Variants in MAPK14 observed in about 807,000 individuals in gnomAD.
The protein encoded by MAPK14 is mitogen-activated protein kinase 14.
A neutral mutation model predicts 49.6 loss-of-function variants in MAPK14; 16 were observed. The observed-to-expected ratio is 0.32, with a 90% confidence interval of 0.22 to 0.49. MAPK14 has a LOEUF of 0.49. MAPK14 is among the 20% of genes least tolerant of loss of function. The pLI, the probability that MAPK14 is intolerant of heterozygous loss-of-function variation, is 0.99. For synonymous variants in MAPK14, 142 were observed against 158.0 expected (o/e 0.90, Z 0.76); for missense variants, 200 against 441.2 (o/e 0.45, Z 4.90).
chr6:36,045,239 A>G (rs559721820), intron 1 of MAPK14, among the ~76,000 whole-genome samples: 10 of 152,348 alleles, frequency 6.6e-5, no homozygotes, highest in African/African-American at 2.4e-4. Flanking sequence ...GATGCTCTAA[A>G]AAGAAAACCA....
chr6:36,087,438 G>A (rs1100856), intron 8 of MAPK14, among the ~76,000 whole-genome samples: 134,598 of 152,276 alleles, frequency 0.88, 59,631 homozygotes, highest in East Asian at 1. Context: ...GCAAAGTCTC[G>A]GGATACAAAA....
chr6:36,059,048 C>G (rs1280911422), intron 2 of MAPK14, among the ~76,000 whole-genome samples: 1 of 152,086 alleles, frequency 6.6e-6, no homozygotes, highest in Non-Finnish European at 1.5e-5. Flanking sequence ...CGCCACCACA[C>G]CTGGCTAATG....
chr6:36,090,259 A>C (rs1765165833), intron 8 of MAPK14, among the ~76,000 whole-genome samples: 1 of 152,116 alleles, frequency 6.6e-6, no homozygotes, highest in South Asian at 2.1e-4. Context: ...CTGGCAATAG[A>C]GCTAAAGCTT....
chr6:36,032,984 A>ATTTT (rs5875529), intron 1 of MAPK14, among the ~76,000 whole-genome samples: 1 of 147,360 alleles, frequency 6.8e-6, no homozygotes, highest in East Asian at 2.0e-4. Flanking sequence ...TTTTAAATCT[A>ATTTT]TTTTTTTTTT....
At chr6:36,062,410 T>C (rs1763857910) in intron 3 of MAPK14, among the ~76,000 whole-genome samples, 1 of 152,170 alleles carries the variant, frequency 6.6e-6, no homozygotes, top group East Asian at 1.9e-4. Flanking sequence ...TGTTACACAA[T>C]TGGGAGTGGT....
At position 36,090,385 on chromosome 6, in the gene MAPK14, G is replaced by A. The variant is rs935220503; in HGVS notation, c.683-5602G>A. Among the ~76,000 whole-genome samples, 37 of 151,758 alleles carry A rather than the reference G, an allele frequency of 2.4e-4. 2 individuals are homozygous for A. The highest frequency in any genetic ancestry group is 2.2e-3 in the Admixed American group (33 of 15,248). ...GTTGCCTAGGCTGGAATGCAGTGGC[G>A]CAATCTCGGCTCACTGCAACCTCCA... On this transcript the variant is annotated intron_variant, in intron 8 of 11. Transcript: ENST00000229794.
chr6:36,032,981 TC>T, intron 1 of MAPK14, among the ~76,000 whole-genome samples: 1 of 86,696 alleles, frequency 1.2e-5, no homozygotes, highest in Non-Finnish European at 2.4e-5. Context: ...CCATTTTAAA[TC>T]TATTTTTTTT....
At chr6:36,117,086 C>A in the MAPK14 span, among the ~76,000 whole-genome samples, 1 of 152,190 alleles carries the variant, frequency 6.6e-6, no homozygotes, top group African/African-American at 2.4e-5. Flanking sequence ...GGGGAGGAGT[C>A]CCTGGCAGCC....
Position 36,064,064 on chromosome 6 carries a change from TTGTGTGTG to T in MAPK14, c.305+4739_305+4746del, listed in dbSNP as rs112138637. Among the ~76,000 whole-genome samples, 161 of 149,622 alleles carry T rather than the reference TTGTGTGTG, an allele frequency of 1.1e-3. 1 individual carries two copies. The highest frequency in any genetic ancestry group is 3.7e-3 in the African/African-American group (149 of 40,580). On this transcript the variant is annotated intron_variant, in intron 3 of 11. Coordinates refer to ENST00000229794, the MANE Select transcript of MAPK14 (RefSeq NM_139012.3). ...GTATTACTATAATATTGCCTTTTCT[TTGTGTGTG>T]TGTGTGTGTGTGTGTGTGTGTTTGT...
chr6:36,099,133 G>A (rs1765547314), intron 9 of MAPK14, among the ~76,000 whole-genome samples: 1 of 152,196 alleles, frequency 6.6e-6, no homozygotes, highest in South Asian at 2.1e-4. Flanking sequence ...ATTTGGGAAA[G>A]CCATGAAGTA....
At chr6:36,102,486 T>C in intron 9 of MAPK14, 85 bp from the exon 10 acceptor site, 1 of 1,013,996 alleles carries the variant, frequency 9.9e-7, no homozygotes, top group African/African-American at 1.6e-5. Flanking sequence ...CAGTTAACAC[T>C]CGTTCCTTAG....
At chr6:36,119,757 G>A in the MAPK14 span, among the ~76,000 whole-genome samples, 1 of 152,010 alleles carries the variant, frequency 6.6e-6, no homozygotes, top group Non-Finnish European at 1.5e-5. Context: ...ATTTTGCGAC[G>A]CACAGGACGG....
chr6:36,052,174 G>T (rs1376455555), intron 1 of MAPK14, among the ~76,000 whole-genome samples: 1 of 152,016 alleles, frequency 6.6e-6, no homozygotes, highest in East Asian at 1.9e-4. Flanking sequence ...GCAATTTATT[G>T]TCCTGAAAAC....
rs200441147 is a variant in MAPK14, at chr6:36,108,584, G to A, written c.*137G>A. ...TGGAAGGGGGTGTGCGTGCGTGTGC[G>A]TGCGTGTTAGTGTGTGTGCATGTGT... On this transcript the variant is annotated 3_prime_UTR_variant, in exon 12 of 12. Transcript: ENST00000229794. 8.0e-5 allele frequency: 55 copies of A among 689,632 alleles called. No homozygotes were observed. Among genetic ancestry groups the A allele is most frequent in the Admixed American group, 2.9e-4 (14 of 47,672 alleles). 42.7% of individuals were successfully genotyped at this position (689,632 alleles called of 1,614,324 possible).
At chr6:36,044,098 C>T (rs1010970834) in intron 1 of MAPK14, among the ~76,000 whole-genome samples, 2 of 152,084 alleles carry the variant, frequency 1.3e-5, no homozygotes, top group Non-Finnish European at 2.9e-5. Context: ...TCGTGAGCCA[C>T]CGCACCCGGC....
At chr6:36,104,107 C>G (rs1040977882) in intron 10 of MAPK14, among the ~76,000 whole-genome samples, 1 of 152,180 alleles carries the variant, frequency 6.6e-6, no homozygotes, top group African/African-American at 2.4e-5. Context: ...TACTCACGCT[C>G]TTTGAAGTTT....
In MAPK14 at chr6:36,077,128, T is replaced by C. The variant is rs140116497; in HGVS notation, c.682+520T>C. On this transcript the variant is annotated intron_variant, in intron 8 of 11. Coordinates refer to ENST00000229794, the MANE Select transcript of MAPK14 (RefSeq NM_139012.3). ...GAAAAGCTTACCATGTAATGTACTT[T>C]TGTTTTTCCAGCACAACTTTTTCCC... Among the ~76,000 whole-genome samples, 84 of 152,346 alleles carry C rather than the reference T, an allele frequency of 5.5e-4. 1 individual carries two copies. The South Asian group carries it at 8.1e-3, about 15-fold the overall frequency.
At chr6:36,085,484 A>G (rs960297638) in intron 8 of MAPK14, among the ~76,000 whole-genome samples, 9 of 152,312 alleles carry the variant, frequency 5.9e-5, no homozygotes, top group African/African-American at 2.2e-4. Flanking sequence ...AAAATTTACC[A>G]AGCAAATGGA....
intron 1 of MAPK14, among the ~76,000 whole-genome samples, chr6:36,048,073 ACT>A (rs1196104886): frequency 6.9e-6 from 1 of 145,494 alleles, no homozygotes. Context: ...ACAGAGTCTC[ACT>A]CTGTTGCTAA....
Sources: gnomAD v4.1 joint callset for allele counts (sites outside exome capture counted in the v4.1 genomes callset) on GRCh38, gnomAD v4.1.1 for gene constraint, MANE v1.5 for transcripts, NCBI Gene and HGNC (gene_info 2026-07-23, HGNC 2026-07-21) for gene names.